Variants in SAMMSON observed in about 807,000 individuals in gnomAD.
SAMMSON encodes the protein survival associated mitochondrial melanoma specific oncogenic non-coding RNA, also known as long intergenic non-protein coding RNA 1212.
intron 2 of SAMMSON, among the ~76,000 whole-genome samples, chr3:70,434,547 C>T (rs1255271646): frequency 1.3e-5 from 2 of 151,754 alleles, no homozygotes; most frequent in Admixed American, 6.6e-5. Flanking sequence ...ATGTAGACAA[C>T]TGTGTCATCT....
intron 4 of SAMMSON, among the ~76,000 whole-genome samples, chr3:70,115,226 A>T (rs996711499): frequency 1.4e-5 from 2 of 144,816 alleles, no homozygotes; most frequent in Non-Finnish European, 3.0e-5. Flanking sequence ...AAAAAAAAAA[A>T]GAAAGAAAGA....
intron 4 of SAMMSON, among the ~76,000 whole-genome samples, chr3:70,246,715 T>C (rs1231859157): frequency 6.6e-6 from 1 of 152,084 alleles, no homozygotes; most frequent in Non-Finnish European, 1.5e-5. Flanking sequence ...CTATATTTAA[T>C]CTGGCAATCC....
chr3:70,396,643 A>G (rs1216136290), intron 2 of SAMMSON, among the ~76,000 whole-genome samples: 1 of 152,242 alleles, frequency 6.6e-6, no homozygotes, highest in Non-Finnish European at 1.5e-5. Flanking sequence ...ACATGATTCT[A>G]GAGTGTAGAA....
At chr3:70,389,254 G>A (rs977893167) in intron 9 of SAMMSON, among the ~76,000 whole-genome samples, 3 of 151,922 alleles carry the variant, frequency 2.0e-5, no homozygotes, top group Non-Finnish European at 2.9e-5. Context: ...AAAAGTAAAC[G>A]GACTAAAACA....
chr3:70,415,051 T>C (rs968552796), intron 2 of SAMMSON, among the ~76,000 whole-genome samples: 6 of 151,804 alleles, frequency 4.0e-5, no homozygotes, highest in Non-Finnish European at 8.8e-5. Flanking sequence ...ACTATAGCAA[T>C]TACTGTCAAC....
At chr3:70,092,196 A>C (rs1403059291) in intron 4 of SAMMSON, among the ~76,000 whole-genome samples, 1 of 152,120 alleles carries the variant, frequency 6.6e-6, no homozygotes, top group East Asian at 1.9e-4. Flanking sequence ...GAGTGGAATT[A>C]GATGAGGTTT....
chr3:70,083,250 C>G (rs1022684709), intron 4 of SAMMSON, among the ~76,000 whole-genome samples: 7 of 152,186 alleles, frequency 4.6e-5, no homozygotes, highest in African/African-American at 1.2e-4. Context: ...GGTTTTCATT[C>G]TGAGGCCGCA....
chr3:70,431,094 AT>A (rs1701409355), intron 2 of SAMMSON, among the ~76,000 whole-genome samples: 1 of 152,118 alleles, frequency 6.6e-6, no homozygotes, highest in Non-Finnish European at 1.5e-5. Flanking sequence ...AGGAGTAGAA[AT>A]TCACTCAAAA....
intron 1 of SAMMSON, among the ~76,000 whole-genome samples, chr3:70,004,696 A>G (rs1006578041): frequency 4.6e-5 from 7 of 152,240 alleles, no homozygotes; most frequent in African/African-American, 1.4e-4. Context: ...ACAATGCAAC[A>G]TAACTGCATT....
Position 70,052,110 on chromosome 3 carries a change from A to T in SAMMSON, n.418-19366A>T, listed in dbSNP as rs368575004. 2.6e-5 allele frequency among the ~76,000 whole-genome samples: 4 copies of T among 152,146 alleles called. No individual in the cohort carries two copies. The East Asian group carries it at 7.7e-4, about 29-fold the overall frequency. On this transcript the variant is annotated intron_variant and non_coding_transcript_variant, in intron 3 of 9. Transcript: ENST00000642114. ...GAGGACCTGTCTCAAAAACAAATAAATAAATAATAAAAAAGAGAGAGAATT... is the reference window on the plus strand; with the variant it reads ...GAGGACCTGTCTCAAAAACAAATAATTAAATAATAAAAAAGAGAGAGAATT...
chr3:70,213,272 T>C (rs1471696551), intron 4 of SAMMSON, among the ~76,000 whole-genome samples: 2 of 152,140 alleles, frequency 1.3e-5, no homozygotes, highest in Non-Finnish European at 2.9e-5. Context: ...ACAAATTCTA[T>C]TGCCAAGTTG....
chr3:70,176,399 G>A (rs1296195007), intron 4 of SAMMSON, among the ~76,000 whole-genome samples: 3 of 152,114 alleles, frequency 2.0e-5, no homozygotes, highest in Non-Finnish European at 2.9e-5. Context: ...GATAGACCCC[G>A]TTTATGAGAT....
chr3:70,255,863 T>C (rs998367907), intron 6 of SAMMSON, among the ~76,000 whole-genome samples: 3 of 152,216 alleles, frequency 2.0e-5, no homozygotes, highest in African/African-American at 7.2e-5. Context: ...TAGAAAATGC[T>C]TTAACTTCTT....
At chr3:70,022,897 T>G (rs1006432875) in intron 3 of SAMMSON, among the ~76,000 whole-genome samples, 1 of 152,214 alleles carries the variant, frequency 6.6e-6, no homozygotes, top group Non-Finnish European at 1.5e-5. Context: ...ATTCTGGGGA[T>G]GAAGGAAAGA....
At chr3:70,306,605 CTCTCATGAA>C (rs1702403378) in intron 7 of SAMMSON, among the ~76,000 whole-genome samples, 1 of 151,540 alleles carries the variant, frequency 6.6e-6, no homozygotes, top group African/African-American at 2.4e-5. Flanking sequence ...TTTTTTTTCT[CTCTCATGAA>C]TTTTCCCATT....
chr3:70,059,525 A>C (rs183634582), intron 3 of SAMMSON, among the ~76,000 whole-genome samples: 201 of 152,190 alleles, frequency 1.3e-3, no homozygotes, highest in African/African-American at 4.7e-3. Flanking sequence ...CAAACACCTG[A>C]AAGTCAGGAG....
At chr3:70,211,866 C>G (rs944683840) in intron 4 of SAMMSON, among the ~76,000 whole-genome samples, 4 of 148,994 alleles carry the variant, frequency 2.7e-5, no homozygotes, top group Non-Finnish European at 5.9e-5. Context: ...TTTTCTTTCT[C>G]CCTTCCCTTC....
chr3:70,040,694 T>C (rs2067102949), intron 3 of SAMMSON, among the ~76,000 whole-genome samples: 1 of 152,100 alleles, frequency 6.6e-6, no homozygotes, highest in African/African-American at 2.4e-5. Flanking sequence ...CACTTGGCCA[T>C]TGCATCTTGA....
At chr3:70,312,377 C>T (rs1702461472) in intron 7 of SAMMSON, among the ~76,000 whole-genome samples, 1 of 152,148 alleles carries the variant, frequency 6.6e-6, no homozygotes, top group Non-Finnish European at 1.5e-5. Context: ...AACACAAAAG[C>T]ATCTTTTCAG....
Sources: gnomAD v4.1 joint callset for allele counts (sites outside exome capture counted in the v4.1 genomes callset) on GRCh38, gnomAD v4.1.1 for gene constraint, MANE v1.5 for transcripts, NCBI Gene and HGNC (gene_info 2026-07-23, HGNC 2026-07-21) for gene names.